Variants in HCN1 observed in about 807,000 individuals in gnomAD.
The protein encoded by HCN1 is potassium/sodium hyperpolarization-activated cyclic nucleotide-gated channel 1.
Under a neutral mutation model 78.9 loss-of-function variants are expected in HCN1, and 13 were observed. That is an observed-to-expected ratio of 0.16 (90% CI 0.11 to 0.26). HCN1 has a LOEUF of 0.26. Among genes scored for constraint, HCN1 ranks in the 10% least tolerant of loss-of-function variants. HCN1 has a pLI of 1.00. For missense variants in HCN1, 810 were observed against 1,154.3 expected, an observed-to-expected ratio of 0.70 and a Z score of 4.32; for synonymous variants, 552 against 455.5, an observed-to-expected ratio of 1.21 and a Z score of -2.70.
intron 6 of HCN1, among the ~76,000 whole-genome samples, chr5:45,291,691 C>A (rs1745380221): frequency 1.3e-5 from 2 of 151,868 alleles, no homozygotes; most frequent in Non-Finnish European, 2.9e-5. Context: ...CTACCACATC[C>A]AGCTACTTTC....
chr5:45,281,579 CTTTTT>C (rs751307473), intron 6 of HCN1, among the ~76,000 whole-genome samples: 3 of 81,664 alleles, frequency 3.7e-5, no homozygotes, highest in Non-Finnish European at 7.2e-5. Flanking sequence ...CTCTTCTCTT[CTTTTT>C]TTTTTTTTTT....
At chr5:45,350,489 A>G (rs928788867) in intron 5 of HCN1, among the ~76,000 whole-genome samples, 4 of 151,506 alleles carry the variant, frequency 2.6e-5, no homozygotes, top group Non-Finnish European at 4.4e-5. Flanking sequence ...CTCTCTCACC[A>G]CTCCTATTCA....
Position 45,257,755 on chromosome 5 carries a change from A to G in HCN1, c.*4166T>C, listed in dbSNP as rs192613469. On this transcript the variant is annotated 3_prime_UTR_variant, in exon 8 of 8. Transcript: ENST00000303230. ...AAGTACAATAGCAAATCTTTCAAAG[A>G]AAATTTCTATCCTATTTTTCCTTGA... is the stretch of plus-strand genomic sequence containing the variant. The G allele has an allele frequency of 6.6e-6, 1 of 152,308 alleles. No individual in the cohort carries two copies. The highest frequency in any genetic ancestry group is 6.5e-5 in the Admixed American group (1 of 15,302). The allele number at this position is 152,308 out of a possible 1,614,324, so 9.4% of individuals were successfully genotyped here.
At chr5:45,423,573 A>G (rs1392501942) in intron 3 of HCN1, among the ~76,000 whole-genome samples, 15 of 151,440 alleles carry the variant, frequency 9.9e-5, no homozygotes, top group Admixed American at 9.8e-4. Flanking sequence ...ACATATTTCA[A>G]TCATATCCAT....
intron 2 of HCN1, among the ~76,000 whole-genome samples, chr5:45,640,935 T>C (rs1423164933): frequency 6.6e-6 from 1 of 151,110 alleles, no homozygotes; most frequent in Non-Finnish European, 1.5e-5. Flanking sequence ...AATCATTTCC[T>C]GCAAGCAGCA....
chr5:45,462,436 A>T (rs543502266), intron 2 of HCN1, among the ~76,000 whole-genome samples: 2 of 152,196 alleles, frequency 1.3e-5, no homozygotes, highest in African/African-American at 4.8e-5. Flanking sequence ...AAGGACTGAA[A>T]ACCATATGCC....
At chr5:45,390,505 T>C (rs1022917299) in intron 4 of HCN1, among the ~76,000 whole-genome samples, 15 of 152,076 alleles carry the variant, frequency 9.9e-5, no homozygotes, top group African/African-American at 3.4e-4. Context: ...TAAAAAATAA[T>C]AAATGTAAAC....
At chr5:45,442,010 T>A (rs1423282822) in intron 3 of HCN1, among the ~76,000 whole-genome samples, 3 of 152,192 alleles carry the variant, frequency 2.0e-5, no homozygotes, top group African/African-American at 7.2e-5. Flanking sequence ...TTATTTAACT[T>A]GTCTGTTGTT....
intron 5 of HCN1, among the ~76,000 whole-genome samples, chr5:45,344,898 C>G (rs896629320): frequency 6.6e-6 from 1 of 152,200 alleles, no homozygotes; most frequent in Non-Finnish European, 1.5e-5. Flanking sequence ...CACAGCTCCA[C>G]TAGGCAGTGA....
At chr5:45,381,830 C>A (rs532229673) in intron 4 of HCN1, among the ~76,000 whole-genome samples, 5 of 152,228 alleles carry the variant, frequency 3.3e-5, no homozygotes, top group Non-Finnish European at 7.4e-5. Context: ...CACACCACAG[C>A]CAACATGGTC....
intron 2 of HCN1, among the ~76,000 whole-genome samples, chr5:45,537,391 C>A (rs557665340): frequency 3.1e-5 from 3 of 95,354 alleles, no homozygotes; most frequent in African/African-American, 1.0e-4. Flanking sequence ...GCTGATTATG[C>A]ATTTTTTTTT....
At chr5:45,531,476 T>C (rs1054586344) in intron 2 of HCN1, among the ~76,000 whole-genome samples, 11 of 152,304 alleles carry the variant, frequency 7.2e-5, no homozygotes, top group African/African-American at 2.4e-4. Flanking sequence ...ATCCTGGTAC[T>C]CTACTAGTCC....
intron 2 of HCN1, among the ~76,000 whole-genome samples, chr5:45,466,836 T>A (rs866195777): frequency 6.6e-6 from 1 of 152,160 alleles, no homozygotes; most frequent in Non-Finnish European, 1.5e-5. Flanking sequence ...AATAACACTC[T>A]TCATAGTAAT....
At chr5:45,498,929 A>C (rs1357165381) in intron 2 of HCN1, among the ~76,000 whole-genome samples, 4 of 152,142 alleles carry the variant, frequency 2.6e-5, no homozygotes, top group Non-Finnish European at 5.9e-5. Context: ...TTTAGGAGGC[A>C]GTCTGCCCAT....
intron 2 of HCN1, among the ~76,000 whole-genome samples, chr5:45,603,879 T>C (rs930270264): frequency 1.3e-5 from 2 of 152,114 alleles, no homozygotes; most frequent in African/African-American, 4.8e-5. Flanking sequence ...CTCCTGGTTT[T>C]CCTTTTGATC....
chr5:45,309,060 A>G (rs1003497599), intron 5 of HCN1, among the ~76,000 whole-genome samples: 2 of 151,984 alleles, frequency 1.3e-5, no homozygotes, highest in Non-Finnish European at 2.9e-5. Context: ...GGTTTGTACT[A>G]TCCTTTTAGA....
intron 2 of HCN1, among the ~76,000 whole-genome samples, chr5:45,603,082 T>C (rs775896093): frequency 2.6e-5 from 4 of 152,114 alleles, no homozygotes; most frequent in African/African-American, 7.2e-5. Flanking sequence ...ATAAGTGGCA[T>C]ATTGTTCCCT....
chr5:45,497,299 G>A (rs1418046445), intron 2 of HCN1, among the ~76,000 whole-genome samples: 2 of 152,080 alleles, frequency 1.3e-5, no homozygotes, highest in African/African-American at 2.4e-5. Context: ...GTTGACAGTG[G>A]GGTGTTAAAG....
At chr5:45,465,779 T>C (rs1204801171) in intron 2 of HCN1, among the ~76,000 whole-genome samples, 1 of 152,068 alleles carries the variant, frequency 6.6e-6, no homozygotes, top group Non-Finnish European at 1.5e-5. Flanking sequence ...TTTAAACAAC[T>C]CTTTAATCTT....
Sources: allele counts gnomAD v4.1 joint callset (sites outside exome capture counted in the v4.1 genomes callset), GRCh38; gene constraint gnomAD v4.1.1; transcripts MANE v1.5; gene names NCBI Gene and HGNC (gene_info 2026-07-23, HGNC 2026-07-21).